CASP4: variants seen among roughly 807,000 people sequenced by gnomAD.
CASP4 encodes the protein caspase-4.
CASP4 carries 29 observed loss-of-function variants against 41.3 expected under a neutral mutation model. The observed-to-expected ratio is 0.70, with a 90% CI of 0.52 to 0.96. The LOEUF is 0.96. CASP4 is among the 40% of genes least tolerant of loss of function. The pLI is 0.00. For synonymous variants in CASP4, 185 were observed against 158.4 expected (o/e 1.17, Z -1.26); for missense variants, 447 against 460.6 (o/e 0.97, Z 0.27).
chr11:104,956,736 G>T (rs1232571852), intron 1 of CASP4: 2 of 556,954 alleles, frequency 3.6e-6, no homozygotes, highest in Non-Finnish European at 4.6e-6. Flanking sequence ...GCAACATCAG[G>T]TACAGATGTT....
chr11:104,968,035 T>C (rs1048197897), intron 1 of CASP4, among the ~76,000 whole-genome samples: 1 of 152,056 alleles, frequency 6.6e-6, no homozygotes, highest in Non-Finnish European at 1.5e-5. Flanking sequence ...AAGTAGTCAG[T>C]ATCAGGACCA....
rs1460275783 is a variant in CASP4 at position 104,955,076 on chromosome 11, T to C, written c.8-75A>G. On this transcript the variant is annotated intron_variant, in intron 1 of 8. Coordinates refer to ENST00000444739, the MANE Select transcript of CASP4 (RefSeq NM_001225.4). ...TTCACCCTCACTTTAGATATAGTTC[T>C]ATAATGTGAAATACTTCTGAAAGTA... is the stretch of plus-strand genomic sequence containing the variant. 2.8e-6 allele frequency: 4 copies of C among 1,417,702 alleles called. No individual in the cohort carries two copies. The African/African-American group carries it at 5.7e-5, about 20-fold the overall frequency. The allele number at this position is 1,417,702 out of a possible 1,614,324, so 87.8% of individuals were successfully genotyped here.
chr11:104,948,627 C>T lies in CASP4; in HGVS notation c.831G>A (p.Val277=). The T allele has an allele frequency of 1.2e-6, 2 of 1,610,724 alleles. No homozygotes were observed. Among genetic ancestry groups the T allele is most frequent in the African/African-American group, 1.3e-5 (1 of 74,952 alleles). The change falls in exon 6 of 9, where the codon GTG becomes GTA. Residue 277 remains valine, a synonymous_variant. Coordinates refer to ENST00000444739, the MANE Select transcript of CASP4 (RefSeq NM_001225.4). ...WVRDSPASLE[V]ASSQSSENLE... is the part of the protein sequence containing the mutation. ...GGTTCTCAGATGACTGTGAAGAGGC[C>T]ACTTCCAAGGATGCTGGAGAGTCTC...
intron 7 of CASP4, among the ~76,000 whole-genome samples, chr11:104,945,276 G>A (rs1860428701): frequency 6.8e-6 from 1 of 147,748 alleles, no homozygotes; most frequent in African/African-American, 2.5e-5. Flanking sequence ...TTTTTAAGAT[G>A]GAGTCTTGCA....
chr11:104,944,722 A>G, intron 8 of CASP4, 26 bp downstream of exon 8: 2 of 1,383,948 alleles, frequency 1.4e-6, no homozygotes, highest in Non-Finnish European at 2.1e-6. Flanking sequence ...TATTTCACAT[A>G]CCACCAACAA....
At chr11:104,966,601 G>A (rs1025782457) in intron 1 of CASP4, among the ~76,000 whole-genome samples, 1 of 152,148 alleles carries the variant, frequency 6.6e-6, no homozygotes, top group Non-Finnish European at 1.5e-5. Context: ...CTAGGAGCTG[G>A]TCTTTTGGCA....
At chr11:104,959,886 C>G (rs1860819913) in intron 1 of CASP4, among the ~76,000 whole-genome samples, 1 of 152,250 alleles carries the variant, frequency 6.6e-6, no homozygotes, top group East Asian at 1.9e-4. Context: ...TACTTCTATT[C>G]GGGCCAACAT....
chr11:104,951,143 C>T (rs1031448339), intron 3 of CASP4, 45 bp from the exon 4 acceptor site: 2 of 1,567,234 alleles, frequency 1.3e-6, no homozygotes, highest in East Asian at 2.2e-5. Flanking sequence ...CTCAAGTCTC[C>T]TTTCAGCCTC....
Position 104,944,763 on chromosome 11 carries a change from G to A in CASP4, c.1124C>T (p.Pro375Leu). Residue 375 changes from proline to leucine, a missense_variant, in exon 8 of 9, where the codon CCT (proline) becomes CTT (leucine). Coordinates refer to ENST00000444739, the MANE Select transcript of CASP4 (RefSeq NM_001225.4). Reference sequence around the variant, plus strand: ...AATACTTAACCATTTTCAATTGCCAGGAAAGAGGTAGAAATATCTTGTCAT... The same window carrying A: ...AATACTTAACCATTTTCAATTGCCAAGAAAGAGGTAGAAATATCTTGTCAT... ...LSMTRYFYLFPGN is the reference protein window; with the variant it reads ...LSMTRYFYLFLGN 1 of 1,606,578 alleles carries A rather than the reference G, an allele frequency of 6.2e-7. No individual in the cohort carries two copies. Among genetic ancestry groups the A allele is most frequent in the Non-Finnish European group, 8.5e-7 (1 of 1,173,250 alleles).
chr11:104,949,965 AT>A (rs1488582239), intron 4 of CASP4, among the ~76,000 whole-genome samples, 188 bp from the exon 5 acceptor site: 1 of 151,860 alleles, frequency 6.6e-6, no homozygotes, highest in Non-Finnish European at 1.5e-5. Context: ...GTGGATTCCC[AT>A]TTTCTCTTCC....
chr11:104,948,609 A>G lies in CASP4; in HGVS notation c.849T>C (p.Ser283=), dbSNP rs1477367513. The G allele has an allele frequency of 9.9e-6, 16 of 1,611,538 alleles. No individual in the cohort carries two copies. In the East Asian group the frequency reaches 3.6e-4, roughly 36 times the overall value. ...AAACAGCATCTTCCTCTAGGTTCTC[A>G]GATGACTGTGAAGAGGCCACTTCCA... The part of the protein sequence containing the change: ...ASLEVASSQS[S]ENLEEDAVYK... Residue 283 remains serine, a synonymous_variant, in exon 6 of 9, where the codon TCT becomes TCC. Transcript: ENST00000444739.
intron 1 of CASP4, among the ~76,000 whole-genome samples, chr11:104,956,425 A>G (rs1860738352): frequency 6.6e-6 from 1 of 152,128 alleles, no homozygotes; most frequent in African/African-American, 2.4e-5. Context: ...AATTTCACAA[A>G]AATTCCATAT....
Position 104,948,663 on chromosome 11 carries a change from T to C in CASP4, c.795A>G (p.Glu265=). 2 of 1,604,178 alleles carry C rather than the reference T, an allele frequency of 1.2e-6. No individual in the cohort carries two copies. Among genetic ancestry groups the C allele is most frequent in the Non-Finnish European group, 1.7e-6 (2 of 1,173,438 alleles). Residue 265 remains glutamate (E), a synonymous_variant, in exon 6 of 9, where the codon GAA becomes GAG. Coordinates refer to ENST00000444739, the MANE Select transcript of CASP4 (RefSeq NM_001225.4). ...VQACRGANRG[E]LWVRDSPASL... ...ATGCTGGAGAGTCTCTGACCCACAG[T>C]TCCCCACGGTTTGCTATGGAGACAT...
chr11:104,955,870 CATGTAG>C (rs1375739504), intron 1 of CASP4, among the ~76,000 whole-genome samples: 1 of 151,984 alleles, frequency 6.6e-6, no homozygotes, highest in Non-Finnish European at 1.5e-5. Context: ...TTATACAATC[CATGTAG>C]ATGTAAGGAT....
Position 104,947,160 on chromosome 11 carries a change from AGCCCATTGT to A in CASP4, c.949_957del (p.Thr317_Gly319del). On this transcript the variant is annotated inframe_deletion, in exon 7 of 9. Transcript: ENST00000444739. ...GTGATGAGTTGTGTGATGAAGATAG[AGCCCATTGT>A]GCTGTCTCTCCAGGACACGTTGTCT... 1 of 1,612,644 alleles carries A rather than the reference AGCCCATTGT, an allele frequency of 6.2e-7. No individual in the cohort carries two copies. The highest frequency in any genetic ancestry group is 8.5e-7 in the Non-Finnish European group (1 of 1,178,896).
chr11:104,951,598 T>C, intron 3 of CASP4: 2 of 426,912 alleles, frequency 4.7e-6, no homozygotes, highest in East Asian at 4.7e-5. Flanking sequence ...CCTCCAAATA[T>C]GTTTATTCCA....
intron 5 of CASP4, chr11:104,949,317 TCTC>T (rs1860545822): frequency 1.8e-6 from 1 of 552,048 alleles, no homozygotes; most frequent in African/African-American, 1.9e-5. Context: ...ATTCTGATGA[TCTC>T]CTTCACCACT....
At chr11:104,960,111 G>A (rs686999) in intron 1 of CASP4, among the ~76,000 whole-genome samples, 97,704 of 151,844 alleles carry the variant, frequency 0.64, 32,015 homozygotes, top group Middle Eastern at 0.82. Context: ...TTTAATTTCT[G>A]GAAAGATTCT....
rs961721414 is a variant in CASP4 at position 104,951,967 on chromosome 11, C to G, written c.301G>C (p.Glu101Gln). The change falls in exon 3 of 9, where the codon GAA (glutamate) becomes CAA (glutamine). Residue 101 changes from glutamate (E) to glutamine (Q), a missense_variant. Coordinates refer to ENST00000444739, the MANE Select transcript of CASP4 (RefSeq NM_001225.4). ...CAAAGCTTGAGGGCATCTGTAGATT[C>G]TCCTGACTCAGGTGGTCCAGCCTCC... Reference protein sequence around the residue: ...NMEAGPPESGESTDALKLCPH... With the variant: ...NMEAGPPESGQSTDALKLCPH... The G allele has an allele frequency of 5.6e-6, 9 of 1,612,712 alleles. No individual in the cohort carries two copies. The highest frequency in any genetic ancestry group is 7.6e-6 in the Non-Finnish European group (9 of 1,179,288).
Sources: allele counts gnomAD v4.1 joint callset (sites outside exome capture counted in the v4.1 genomes callset), GRCh38; gene constraint gnomAD v4.1.1; transcripts MANE v1.5; gene names NCBI Gene and HGNC (gene_info 2026-07-23, HGNC 2026-07-21).